Variants in SLC25A32 observed in about 807,000 individuals in gnomAD.
The protein encoded by SLC25A32 is Glycine auxotroph B, complementation of hamster.
In SLC25A32, 32 loss-of-function variants were observed where a neutral mutation model predicts 39.0. That is an observed-to-expected ratio of 0.82 (90% CI 0.62 to 1.10). The LOEUF is 1.10. SLC25A32 is among the 50% of genes least tolerant of loss of function. The pLI, the probability that SLC25A32 is intolerant of heterozygous loss-of-function variation, is 0.00. For synonymous variants in SLC25A32, 166 were observed against 152.4 expected (o/e 1.09, Z -0.66); for missense variants, 367 against 395.3 (o/e 0.93, Z 0.61).
rs1024978280 is a variant in SLC25A32, at chr8:103,406,084, C to T, written c.306-1223G>A. 3.2e-3 allele frequency among the ~76,000 whole-genome samples: 432 copies of T among 134,244 alleles called. 3 individuals carry two copies. Among genetic ancestry groups the T allele is most frequent in the Non-Finnish European group, 5.5e-3 (323 of 59,060 alleles). The allele number at this position is 134,244 out of a possible 152,430, so 88.1% of individuals were successfully genotyped here. A position where few individuals can be genotyped will look rare whatever the true frequency, so the allele number is the denominator to read the frequency against. On this transcript the variant is annotated intron_variant, in intron 2 of 6. Coordinates refer to ENST00000297578, the MANE Select transcript of SLC25A32 (RefSeq NM_030780.5). ...GTGTGTGTATATATATATATATACA[C>T]ACACACATATACATAAACATATCTA... is the stretch of plus-strand genomic sequence containing the variant.
intron 3 of SLC25A32, 57 bp downstream of exon 3, chr8:103,404,719 C>G: frequency 7.6e-7 from 1 of 1,316,838 alleles, no homozygotes; most frequent in African/African-American, 1.5e-5. Flanking sequence ...AATCAAAAAC[C>G]AAAACTGAAA....
In SLC25A32 at chr8:103,404,768, T is replaced by G; in HGVS notation, c.391+8A>C. ...GGTGACATTTTTATATTTCACACATTGCCTTACCAGCTTCAGCAGCTGAGA... is the reference window on the plus strand; with the variant it reads ...GGTGACATTTTTATATTTCACACATGGCCTTACCAGCTTCAGCAGCTGAGA... On this transcript the variant is annotated splice_region_variant and intron_variant, in intron 3 of 6. Coordinates refer to ENST00000297578, the MANE Select transcript of SLC25A32 (RefSeq NM_030780.5). The G allele has an allele frequency of 6.2e-7, 1 of 1,600,636 alleles. No homozygotes were observed. The highest frequency in any genetic ancestry group is 1.1e-5 in the South Asian group (1 of 89,430).
At chr8:103,409,963 C>T (rs1375049251) in intron 1 of SLC25A32, among the ~76,000 whole-genome samples, 1 of 152,150 alleles carries the variant, frequency 6.6e-6, no homozygotes, top group Non-Finnish European at 1.5e-5. Context: ...AGGCAGGCAG[C>T]AGAATGACAG....
rs1816257038 is a variant in SLC25A32 at position 103,403,227 on chromosome 8, A to G, written c.489T>C (p.Tyr163=). The G allele has an allele frequency of 6.2e-7, 1 of 1,612,784 alleles. No homozygotes were observed. The change falls in exon 4 of 7, where the codon TAT becomes TAC. Residue 163 remains tyrosine (Y), a synonymous_variant. Coordinates refer to ENST00000297578, the MANE Select transcript of SLC25A32 (RefSeq NM_030780.5). ...TCACAAGTGTATCAAACATTCCTTT[A>G]TATTGTCGGTGTGGGGAGTTAACAA... The part of the protein sequence containing the change: ...DAVVNSPHRQ[Y]KGMFDTLVKI...
rs1816293268 is a variant in SLC25A32 at position 103,404,785 on chromosome 8, C to T, written c.382G>A (p.Ala128Thr). Residue 128 changes from alanine (A) to threonine (T), a missense_variant, in exon 3 of 7, where the codon GCT becomes ACT. Transcript: ENST00000297578. The stretch of plus-strand genomic sequence containing the variant: ...TCACACATTGCCTTACCAGCTTCAG[C>T]AGCTGAGACAAGGTATTCTGTTGCC... ...LEATEYLVSA[A>T]EAGAMTLCIT... 1 of 1,610,272 alleles carries T rather than the reference C, an allele frequency of 6.2e-7. No homozygotes were observed. Among genetic ancestry groups the T allele is most frequent in the African/African-American group, 1.3e-5 (1 of 74,818 alleles).
chr8:103,401,128 T>C (rs927020912), intron 6 of SLC25A32, among the ~76,000 whole-genome samples: 1 of 152,262 alleles, frequency 6.6e-6, no homozygotes, highest in Non-Finnish European at 1.5e-5. Flanking sequence ...CTTTCATATA[T>C]GGAAACAAGT....
intron 1 of SLC25A32, among the ~76,000 whole-genome samples, chr8:103,412,008 T>C (rs1312625692): frequency 6.6e-6 from 1 of 152,234 alleles, no homozygotes; most frequent in Non-Finnish European, 1.5e-5. Context: ...GCAATTACTT[T>C]GCAACCCTGA....
At chr8:103,413,832 T>C (rs1816522369) in intron 1 of SLC25A32, among the ~76,000 whole-genome samples, 1 of 152,208 alleles carries the variant, frequency 6.6e-6, no homozygotes, top group Non-Finnish European at 1.5e-5. Context: ...AAGATACACA[T>C]GGCCATCAGT....
At chr8:103,403,407 T>C (rs1267768346) in intron 3 of SLC25A32, 83 bp from the exon 4 acceptor site, 11 of 506,432 alleles carry the variant, frequency 2.2e-5, no homozygotes, top group Admixed American at 1.1e-4. Context: ...AGTACATTTA[T>C]GTAAAAAAAA....
chr8:103,403,409 T>TAAAAA (rs11447002), intron 3 of SLC25A32, 85 bp from the exon 4 acceptor site: 7 of 249,816 alleles, frequency 2.8e-5, no homozygotes, highest in Non-Finnish European at 4.0e-5. Flanking sequence ...TACATTTATG[T>TAAAAA]AAAAAAAAAA....
At chr8:103,405,357 T>C (rs1487141903) in intron 2 of SLC25A32, among the ~76,000 whole-genome samples, 2 of 152,004 alleles carry the variant, frequency 1.3e-5, no homozygotes, top group Non-Finnish European at 2.9e-5. Flanking sequence ...ACACAGACAA[T>C]AGAAGAAATT....
chr8:103,406,357 A>G (rs1415562827), intron 2 of SLC25A32, among the ~76,000 whole-genome samples: 1 of 152,210 alleles, frequency 6.6e-6, no homozygotes, highest in African/African-American at 2.4e-5. Flanking sequence ...TACACTAGAT[A>G]CTGATGTTTT....
chr8:103,403,769 A>G (rs902325366), intron 3 of SLC25A32, among the ~76,000 whole-genome samples: 2 of 152,238 alleles, frequency 1.3e-5, no homozygotes, highest in African/African-American at 2.4e-5. Context: ...TGTGACACAT[A>G]TATCTACCCC....
intron 1 of SLC25A32, 180 bp downstream of exon 1, chr8:103,414,604 G>A (rs1172290297): frequency 2.5e-6 from 2 of 785,474 alleles, no homozygotes; most frequent in Admixed American, 2.8e-5. Flanking sequence ...GAGGAGCGGG[G>A]AAGATCGCAG....
At chr8:103,411,875 T>C (rs1307646735) in intron 1 of SLC25A32, among the ~76,000 whole-genome samples, 2 of 152,220 alleles carry the variant, frequency 1.3e-5, no homozygotes, top group Non-Finnish European at 2.9e-5. Flanking sequence ...TCTGGAATCA[T>C]TCTTTATTTC....
chr8:103,414,862 G>A lies in SLC25A32; in HGVS notation c.76C>T (p.Leu26=). The part of the protein sequence containing the change: ...TVFRHVRYEN[L]IAGVSGGVLS... Reference sequence around the variant, plus strand: ...ACGCCGCCGCTCACGCCCGCTATCAGGTTCTCATACCGGACGTGGCGGAAT... The same window carrying A: ...ACGCCGCCGCTCACGCCCGCTATCAAGTTCTCATACCGGACGTGGCGGAAT... Residue 26 remains leucine (L), a synonymous_variant, in exon 1 of 7, where the codon CTG becomes TTG. Transcript: ENST00000297578. The A allele has an allele frequency of 2.5e-6, 4 of 1,613,520 alleles. No individual in the cohort carries two copies. In the South Asian group the frequency reaches 3.3e-5, roughly 13 times the overall value.
intron 1 of SLC25A32, among the ~76,000 whole-genome samples, chr8:103,412,106 A>T (rs1816479721): frequency 6.6e-6 from 1 of 152,208 alleles, no homozygotes; most frequent in South Asian, 2.1e-4. Context: ...TAAAGGATTA[A>T]ATCAGTTAGT....
intron 1 of SLC25A32, among the ~76,000 whole-genome samples, chr8:103,409,145 C>T (rs1430465802): frequency 1.3e-5 from 2 of 152,148 alleles, no homozygotes; most frequent in East Asian, 3.8e-4. Flanking sequence ...TTATTTACTG[C>T]TTTGAAAAAT....
intron 6 of SLC25A32, 98 bp from the exon 7 acceptor site, chr8:103,400,644 A>C (rs1816198801): frequency 1.6e-6 from 2 of 1,232,884 alleles, no homozygotes; most frequent in African/African-American, 1.5e-5. Flanking sequence ...AGCAGCAGTC[A>C]AACCTTACTC....
Sources: allele counts gnomAD v4.1 joint callset (sites outside exome capture counted in the v4.1 genomes callset), GRCh38; gene constraint gnomAD v4.1.1; transcripts MANE v1.5; gene names NCBI Gene and HGNC (gene_info 2026-07-23, HGNC 2026-07-21).